ABCA4: variants seen among roughly 807,000 people sequenced by gnomAD.
ABCA4 encodes the protein ATP binding cassette subfamily A member 4.
ABCA4 carries 196 observed loss-of-function variants against 263.7 expected under a neutral mutation model. That is an observed-to-expected ratio of 0.74 (90% CI 0.66 to 0.84). The LOEUF is 0.84. ABCA4 is among the 40% of genes least tolerant of loss of function. ABCA4 has a pLI of 0.00. For synonymous variants in ABCA4, 1,133 were observed against 1,094.2 expected (o/e 1.04, Z -0.70); for missense variants, 2,792 against 2,855.1 (o/e 0.98, Z 0.50).
At chr1:94,062,501 AC>A in intron 13 of ABCA4, 75 bp downstream of exon 13, 1 of 1,557,770 alleles carries the variant, frequency 6.4e-7, no homozygotes, top group Non-Finnish European at 8.8e-7. Context: ...CCTTGAGGGC[AC>A]CCCCAGCCCA....
chr1:94,094,068 T>C (rs762925101), intron 6 of ABCA4, among the ~76,000 whole-genome samples: 13 of 152,092 alleles, frequency 8.5e-5, no homozygotes, highest in Non-Finnish European at 1.8e-4. Context: ...GTGGGAGAAA[T>C]TGGAAAGAAT....
At chr1:94,032,454 T>C (rs1157085651) in intron 26 of ABCA4, among the ~76,000 whole-genome samples, 3 of 152,158 alleles carry the variant, frequency 2.0e-5, no homozygotes, top group Non-Finnish European at 2.9e-5. Context: ...TTGACCTACA[T>C]AGTGAAACCC....
intron 22 of ABCA4, among the ~76,000 whole-genome samples, chr1:94,042,217 G>A (rs1353621806): frequency 1.3e-5 from 2 of 152,070 alleles, no homozygotes; most frequent in East Asian, 3.9e-4. Flanking sequence ...AAGGGGGAAA[G>A]CTCTGGCTTG....
Position 93,992,909 on chromosome 1 carries a change from C to T in ABCA4, c.*328G>A. Reference sequence around the variant, plus strand: ...CAACGCAGACACACAGACAAACATGCAGAAAAGCAGATCTGCTTGAAATGA... The same window carrying T: ...CAACGCAGACACACAGACAAACATGTAGAAAAGCAGATCTGCTTGAAATGA... On this transcript the variant is annotated 3_prime_UTR_variant, in exon 50 of 50. Transcript: ENST00000370225. 2.4e-6 allele frequency: 1 copy of T among 419,174 alleles called. No homozygotes were observed. Among genetic ancestry groups the T allele is most frequent in the East Asian group, 4.5e-5 (1 of 22,212 alleles). The allele number at this position is 419,174 out of a possible 1,614,324, so 26.0% of individuals were successfully genotyped here.
chr1:94,118,532 G>T lies in ABCA4; in HGVS notation c.66+2448C>A, dbSNP rs527833772. On this transcript the variant is annotated intron_variant, in intron 1 of 49. Transcript: ENST00000370225. The stretch of plus-strand genomic sequence containing the variant: ...AGGAAGGAGCCACAGATCCCTCTCA[G>T]AGCTACTGAATCTGTTGGGGGTGCC... 2.0e-5 allele frequency among the ~76,000 whole-genome samples: 3 copies of T among 152,328 alleles called. No homozygotes were observed. In the South Asian group the frequency reaches 6.2e-4, roughly 32 times the overall value.
At chr1:93,996,334 G>A (rs1245208085) in intron 48 of ABCA4, 139 bp from the exon 49 acceptor site, 4 of 729,850 alleles carry the variant, frequency 5.5e-6, no homozygotes, top group Non-Finnish European at 9.6e-6. Context: ...CCCGGGGGAG[G>A]CTGGCCCACT....
intron 3 of ABCA4, among the ~76,000 whole-genome samples, chr1:94,108,993 C>A (rs1367602572): frequency 6.6e-6 from 1 of 151,972 alleles, no homozygotes; most frequent in South Asian, 2.1e-4. Flanking sequence ...AGGATGGTCT[C>A]GATCTCCTGA....
chr1:93,994,433 A>T (rs1465851200), intron 49 of ABCA4, among the ~76,000 whole-genome samples: 3 of 152,274 alleles, frequency 2.0e-5, no homozygotes, highest in Admixed American at 2.0e-4. Context: ...GCCAATGGCC[A>T]GATGAACCTC....
chr1:94,077,539 T>A, intron 11 of ABCA4, 151 bp downstream of exon 11: 2 of 696,768 alleles, frequency 2.9e-6, no homozygotes, highest in Non-Finnish European at 4.7e-6. Context: ...TGTTAGAGAA[T>A]GAGAACTGTA....
intron 4 of ABCA4, 53 bp from the exon 5 acceptor site, chr1:94,103,195 AAAG>A: frequency 6.2e-7 from 1 of 1,604,734 alleles, no homozygotes; most frequent in South Asian, 1.1e-5. Context: ...TGGGTCAAAA[AAAG>A]GAAAACAGCC....
In ABCA4 at chr1:94,103,117, G is replaced by T. The variant is rs148091207; in HGVS notation, c.468C>A (p.Ile156=). ...GTGTCAGTGTTTCTTCATCTTTCAA[G>T]ATATCCCTTATTCGTATTCCTCTTC... ...IAGRGIRIRD[I]LKDEETLTLF... is the part of the protein sequence containing the mutation. The change falls in exon 5 of 50, where the codon ATC becomes ATA. Residue 156 remains isoleucine (I), a synonymous_variant. Coordinates refer to ENST00000370225, the MANE Select transcript of ABCA4 (RefSeq NM_000350.3). The T allele has an allele frequency of 6.2e-7, 1 of 1,613,966 alleles. No individual in the cohort carries two copies. Among genetic ancestry groups the T allele is most frequent in the Non-Finnish European group, 8.5e-7 (1 of 1,179,982 alleles).
intron 5 of ABCA4, 128 bp downstream of exon 5, chr1:94,102,887 C>T (rs1662320612): frequency 7.6e-7 from 1 of 1,317,812 alleles, no homozygotes; most frequent in Non-Finnish European, 1.1e-6. Flanking sequence ...AAATACAAGG[C>T]ATTAAGTGAT....
intron 5 of ABCA4, among the ~76,000 whole-genome samples, chr1:94,101,825 C>G (rs1662295424): frequency 6.6e-6 from 1 of 152,242 alleles, no homozygotes; most frequent in Admixed American, 6.5e-5. Flanking sequence ...AGCTCTCACA[C>G]CTGAGCCTGC....
At chr1:94,040,747 G>T (rs1396200495) in intron 23 of ABCA4, among the ~76,000 whole-genome samples, 1 of 152,214 alleles carries the variant, frequency 6.6e-6, no homozygotes, top group Non-Finnish European at 1.5e-5. Flanking sequence ...GTCTCCTGAT[G>T]TGCTGAAGTG....
At chr1:93,999,104 G>C (rs1659102984) in intron 47 of ABCA4, among the ~76,000 whole-genome samples, 1 of 152,044 alleles carries the variant, frequency 6.6e-6, no homozygotes, top group African/African-American at 2.4e-5. Context: ...GGAGTGCAGT[G>C]GTGTGATCTC....
At chr1:94,026,848 C>T (rs1660050926) in intron 30 of ABCA4, among the ~76,000 whole-genome samples, 1 of 152,072 alleles carries the variant, frequency 6.6e-6, no homozygotes, top group South Asian at 2.1e-4. Context: ...GCCCTCTGGA[C>T]TTATTCCAGG....
chr1:93,997,869 G>C lies in ABCA4; in HGVS notation c.6721C>G (p.Leu2241Val), dbSNP rs61748521. 150 of 1,614,110 alleles carry C rather than the reference G, an allele frequency of 9.3e-5. No individual in the cohort carries two copies. The highest frequency in any genetic ancestry group is 5.0e-4 in the Middle Eastern group (3 of 6,058). Residue 2241 changes from leucine to valine, a missense_variant, in exon 48 of 50, where the codon CTG becomes GTG. Physicochemically the swap from Leu to Val is conservative, Grantham distance 32 (BLOSUM62 1). Coordinates refer to ENST00000370225, the MANE Select transcript of ABCA4 (RefSeq NM_000350.3). ...CCCCAGGGCCAACTTGCCTGGTCCA[G>C]TGTGGTCTGTGTGACTGAGTACTCC... Reference protein sequence around the residue: ...IEEYSVTQTTLDQVFVNFAKQ... With the variant: ...IEEYSVTQTTVDQVFVNFAKQ...
Position 94,076,576 on chromosome 1 carries a change from G to A in ABCA4, c.1554+1114C>T, listed in dbSNP as rs543922820. Among the ~76,000 whole-genome samples, 5 of 152,348 alleles carry A rather than the reference G, an allele frequency of 3.3e-5. No homozygotes were observed. The South Asian group carries it at 1.0e-3, about 32-fold the overall frequency. On this transcript the variant is annotated intron_variant, in intron 11 of 49. Transcript: ENST00000370225. ...AAGAGGTCATGGAATGGGAATGCCT[G>A]TAGGCGTGAAAGGGCCAGGTAGCAG...
At chr1:94,064,526 A>C (rs977206376) in intron 11 of ABCA4, among the ~76,000 whole-genome samples, 16 of 152,178 alleles carry the variant, frequency 1.1e-4, no homozygotes, top group Non-Finnish European at 2.1e-4. Context: ...GACCTACAAG[A>C]ATAGATCAGT....
Sources: allele counts gnomAD v4.1 joint callset (sites outside exome capture counted in the v4.1 genomes callset), GRCh38; gene constraint gnomAD v4.1.1; transcripts MANE v1.5; gene names NCBI Gene and HGNC (gene_info 2026-07-23, HGNC 2026-07-21).